The following ERC2 variants were observed in gnomAD, a reference collection of about 807,000 sequenced individuals.
ERC2 encodes the protein ELKS/RAB6-interacting/CAST family member 2.
A neutral mutation model predicts 114.8 loss-of-function variants in ERC2; 42 were observed. The observed-to-expected ratio is 0.37, with a 90% CI of 0.29 to 0.47. The LOEUF (loss-of-function observed/expected upper bound fraction) is 0.47, where lower values mean the gene tolerates loss of function less well. Ranked by LOEUF, ERC2 falls within the 20% of genes least tolerant of loss-of-function variation. ERC2 has a pLI of 0.99. For synonymous variants in ERC2, 454 were observed against 425.5 expected, an observed-to-expected ratio of 1.07 and a Z score of -0.82; for missense variants, 939 against 1,150.7, an observed-to-expected ratio of 0.82 and a Z score of 2.66.
intron 16 of ERC2, among the ~76,000 whole-genome samples, chr3:55,688,308 C>T (rs2062443137): frequency 6.6e-6 from 1 of 152,072 alleles, no homozygotes; most frequent in African/African-American, 2.4e-5. Context: ...CTCACCAAGG[C>T]CCAGTGACAC....
chr3:56,162,929 T>C (rs954134239), intron 4 of ERC2, among the ~76,000 whole-genome samples: 1 of 152,030 alleles, frequency 6.6e-6, no homozygotes, highest in Non-Finnish European at 1.5e-5. Flanking sequence ...TTTGCTCTTG[T>C]TTTTCTAGTT....
At chr3:55,988,867 A>G (rs1294318536) in intron 11 of ERC2, among the ~76,000 whole-genome samples, 1 of 152,234 alleles carries the variant, frequency 6.6e-6, no homozygotes, top group African/African-American at 2.4e-5. Context: ...TTTATCCAGC[A>G]AATGACAATA....
In ERC2 at chr3:56,354,003, G is replaced by C. The variant is rs1036768808; in HGVS notation, c.658-57568C>G. Among the ~76,000 whole-genome samples the C allele has an allele frequency of 2.0e-5, 3 of 152,062 alleles. 1 individual carries two copies. The highest frequency in any genetic ancestry group is 2.0e-4 in the Admixed American group (3 of 15,274). ...AGAGAGGCTAAGACACTCACCCAAA[G>C]TCAGATAGCTAATAAGTGGCAGGAA... On this transcript the variant is annotated intron_variant, in intron 2 of 17. Coordinates refer to ENST00000288221, the MANE Select transcript of ERC2 (RefSeq NM_015576.3).
intron 2 of ERC2, among the ~76,000 whole-genome samples, chr3:56,319,292 A>C (rs1211528454): frequency 6.6e-6 from 1 of 152,066 alleles, no homozygotes; most frequent in Non-Finnish European, 1.5e-5. Context: ...TACACACAAC[A>C]GAATATTATT....
intron 2 of ERC2, among the ~76,000 whole-genome samples, chr3:56,320,649 G>C (rs2150420802): frequency 6.6e-6 from 1 of 152,064 alleles, no homozygotes; most frequent in East Asian, 1.9e-4. Context: ...CAAAGAACTA[G>C]AATGTGTACA....
chr3:55,950,449 C>A lies in ERC2; in HGVS notation c.2379G>T (p.Met793Ile). Reference protein sequence around the residue: ...LEEVRRREDSMADNSQHLQIE... With the variant: ...LEEVRRREDSIADNSQHLQIE... ...CCTGCAAATGCTGTGAGTTGTCAGC[C>A]ATGCTGTCTTCTCGCCTGCGCACTT... The change falls in exon 13 of 18, where the codon ATG becomes ATT. Residue 793 changes from methionine (M) to isoleucine (I), a missense_variant. This residue lies in a region of ERC2 where 328 missense variants were observed against 353.9 expected (regional missense o/e 0.93). Transcript: ENST00000288221. The A allele has an allele frequency of 6.2e-7, 1 of 1,614,010 alleles. No individual in the cohort carries two copies. Among genetic ancestry groups the A allele is most frequent in the Non-Finnish European group, 8.5e-7 (1 of 1,179,892 alleles).
intron 14 of ERC2, among the ~76,000 whole-genome samples, chr3:55,847,585 T>C (rs2061418598): frequency 6.6e-6 from 1 of 152,178 alleles, no homozygotes; most frequent in African/African-American, 2.4e-5. Context: ...AATGCTATGC[T>C]GGGAACCAAG....
intron 15 of ERC2, among the ~76,000 whole-genome samples, chr3:55,715,916 A>C (rs1249601809): frequency 6.6e-6 from 1 of 152,084 alleles, no homozygotes; most frequent in Non-Finnish European, 1.5e-5. Flanking sequence ...TGGTTGGGGG[A>C]TGCATTAATG....
At chr3:55,665,386 C>T (rs2061320522) in intron 17 of ERC2, among the ~76,000 whole-genome samples, 1 of 152,094 alleles carries the variant, frequency 6.6e-6, no homozygotes. Context: ...AAATCCTAAT[C>T]CCTAGTACTT....
At chr3:55,763,380 G>A (rs568674882) in intron 14 of ERC2, among the ~76,000 whole-genome samples, 26 of 152,302 alleles carry the variant, frequency 1.7e-4, no homozygotes, top group African/African-American at 5.8e-4. Flanking sequence ...TTTCCAACAA[G>A]GAAGCAAATG....
At chr3:56,127,031 G>A (rs1402249650) in intron 6 of ERC2, among the ~76,000 whole-genome samples, 4 of 152,000 alleles carry the variant, frequency 2.6e-5, no homozygotes. Context: ...TAGGCTAATG[G>A]AGAACTATGT....
intron 7 of ERC2, among the ~76,000 whole-genome samples, chr3:56,058,939 T>C (rs2076127222): frequency 6.6e-6 from 1 of 152,114 alleles, no homozygotes; most frequent in African/African-American, 2.4e-5. Context: ...GGTCTTTCCT[T>C]CTCTACCACA....
At chr3:55,752,736 G>A (rs1039943704) in intron 14 of ERC2, among the ~76,000 whole-genome samples, 61 of 150,810 alleles carry the variant, frequency 4.0e-4, no homozygotes, top group African/African-American at 1.5e-3. Context: ...AGTTTACATG[G>A]CTAGTAGATG....
At chr3:56,255,609 G>A (rs1003372565) in intron 3 of ERC2, among the ~76,000 whole-genome samples, 3 of 152,130 alleles carry the variant, frequency 2.0e-5, no homozygotes, top group African/African-American at 7.2e-5. Flanking sequence ...GAAATTTCTG[G>A]ATCTGAGGAG....
chr3:56,064,897 A>G (rs1053199604), intron 7 of ERC2, among the ~76,000 whole-genome samples: 41 of 152,340 alleles, frequency 2.7e-4, no homozygotes, highest in African/African-American at 9.6e-4. Flanking sequence ...TGAATCCAAA[A>G]AGAACTTTGG....
chr3:55,907,939 G>C (rs1465984504), intron 13 of ERC2, among the ~76,000 whole-genome samples: 1 of 152,188 alleles, frequency 6.6e-6, no homozygotes, highest in Non-Finnish European at 1.5e-5. Context: ...GAGGCAGACA[G>C]GGAGGAGCAG....
At chr3:55,704,218 C>A (rs143204808) in intron 15 of ERC2, among the ~76,000 whole-genome samples, 1 of 152,118 alleles carries the variant, frequency 6.6e-6, no homozygotes, top group Admixed American at 6.5e-5. Flanking sequence ...AATCCTTGAT[C>A]GACTAGTAAT....
intron 3 of ERC2, among the ~76,000 whole-genome samples, chr3:56,192,938 C>T (rs1363096128): frequency 1.3e-5 from 2 of 152,166 alleles, no homozygotes; most frequent in East Asian, 3.9e-4. Flanking sequence ...CTAAGGCCAG[C>T]AATCATCCCA....
At chr3:55,999,659 A>G (rs938233721) in intron 10 of ERC2, among the ~76,000 whole-genome samples, 43 of 151,856 alleles carry the variant, frequency 2.8e-4, no homozygotes, top group Non-Finnish European at 2.7e-4. Flanking sequence ...TTAAATATAT[A>G]TAGATATGCT....
Sources: allele counts gnomAD v4.1 joint callset (sites outside exome capture counted in the v4.1 genomes callset), GRCh38; gene constraint gnomAD v4.1.1; regional missense constraint gnomAD v4.1.1; transcripts MANE v1.5; gene names NCBI Gene and HGNC (gene_info 2026-07-23, HGNC 2026-07-21).